The following SPATC1L variants were observed in gnomAD, a reference collection of about 807,000 sequenced individuals.
SPATC1L encodes the protein spermatogenesis and centriole associated 1 like.
In SPATC1L, 20 loss-of-function variants were observed where a neutral mutation model predicts 21.2. The ratio of observed to expected loss-of-function variants is 0.94; its 90% CI spans 0.66 to 1.37. The LOEUF (loss-of-function observed/expected upper bound fraction) is 1.37, where lower values mean the gene tolerates loss of function less well. Ranked by LOEUF, SPATC1L falls within the 40% of genes most tolerant of loss-of-function variation. The pLI is 0.00. For missense variants in SPATC1L, 499 were observed against 478.7 expected (o/e 1.04, Z -0.40); for synonymous variants, 290 against 234.5 (o/e 1.24, Z -2.16).
chr21:46,177,303 A>G (rs2079639652), intron 2 of SPATC1L, among the ~76,000 whole-genome samples: 1 of 152,232 alleles, frequency 6.6e-6, no homozygotes, highest in African/African-American at 2.4e-5. Context: ...AAAATAAACT[A>G]TCAACAGAGT....
Position 46,161,940 on chromosome 21 carries a change from G to A in SPATC1L, c.672C>T (p.Ala224=). ...GVTRLYGFTV[A]NIPEKIEQTS... is the part of the protein sequence containing the mutation. The stretch of plus-strand genomic sequence containing the variant: ...CCTGCTCGATCTTCTCGGGGATGTT[G>A]GCCACCGTGAAGCCGTAGAGCCGCG... The change falls in exon 4 of 5, where the codon GCC becomes GCT. Residue 224 remains alanine (A), a synonymous_variant. Coordinates refer to ENST00000291672, the MANE Select transcript of SPATC1L (RefSeq NM_001142854.2). 6.2e-7 allele frequency: 1 copy of A among 1,607,768 alleles called. No homozygotes were observed.
intron 2 of SPATC1L, among the ~76,000 whole-genome samples, chr21:46,181,890 C>T (rs2079676905): frequency 1.3e-5 from 2 of 152,212 alleles, no homozygotes; most frequent in Admixed American, 6.5e-5. Context: ...TCTGTCAGCC[C>T]CACCCCAAAT....
In SPATC1L at chr21:46,182,787, C is replaced by T; in HGVS notation, c.30G>A (p.Arg10=). The part of the protein sequence containing the change: MAEGGELMS[R]LLSENADLKK... ...TCAGGTCCGCGTTCTCGCTCAGGAG[C>T]CGGCTCATCAGCTCGCCGCCTTCAG... Residue 10 remains arginine (R), a synonymous_variant, in exon 2 of 5, where the codon CGG becomes CGA. Transcript: ENST00000291672. The T allele has an allele frequency of 6.5e-7, 1 of 1,545,024 alleles. No homozygotes were observed.
At chr21:46,169,045 T>A (rs1249703217) in intron 2 of SPATC1L, among the ~76,000 whole-genome samples, 2 of 152,288 alleles carry the variant, frequency 1.3e-5, no homozygotes, top group African/African-American at 4.8e-5. Flanking sequence ...TGCTGCATTA[T>A]CTCTTTGAGA....
At position 46,161,655 on chromosome 21, in the gene SPATC1L, C is replaced by G; in HGVS notation, c.747G>C (p.Glu249Asp). The G allele has an allele frequency of 1.2e-6, 2 of 1,608,974 alleles. No individual in the cohort carries two copies. Among genetic ancestry groups the G allele is most frequent in the South Asian group, 2.2e-5 (2 of 90,664 alleles). ...TCAGGGCCAGGTAGCGCTGCGTCAG[C>G]TCGCGCAGCTTCCTCTCGTCCACGG... ...DGSVDERKLR[E>D]LTQRYLALSA... Residue 249 changes from glutamate (E) to aspartate (D), a missense_variant, in exon 5 of 5, where the codon GAG (glutamate) becomes GAC (aspartate). By Grantham distance (45) the Glu-to-Asp change is conservative (BLOSUM62 2). Transcript: ENST00000291672.
At chr21:46,171,410 C>T (rs2079589096) in intron 2 of SPATC1L, among the ~76,000 whole-genome samples, 2 of 111,104 alleles carry the variant, frequency 1.8e-5, no homozygotes, top group Admixed American at 9.3e-5. Context: ...GCCTGGGCGA[C>T]AGAGCAAGAA....
At chr21:46,172,417 G>C (rs1211379171) in intron 2 of SPATC1L, among the ~76,000 whole-genome samples, 2 of 152,216 alleles carry the variant, frequency 1.3e-5, no homozygotes, top group Non-Finnish European at 2.9e-5. Flanking sequence ...TACAGAGATA[G>C]GCTCACAAAC....
In SPATC1L at chr21:46,183,134, G is replaced by A. The variant is rs1415358017; in HGVS notation, c.-318C>T. 1.1e-5 allele frequency: 4 copies of A among 374,860 alleles called. No individual in the cohort carries two copies. The highest frequency in any genetic ancestry group is 8.4e-5 in the African/African-American group (4 of 47,836). The allele number at this position is 374,860 out of a possible 1,614,324, so 23.2% of individuals were successfully genotyped here. On this transcript the variant is annotated 5_prime_UTR_variant, in exon 2 of 5. Transcript: ENST00000291672. ...GGATGTAGCGACTGTACTCCAAGAG[G>A]GGCGTCCAAGCCACTCCCCATTGAG...
At position 46,183,484 on chromosome 21, in the gene SPATC1L, AGGAGACCAGCCTGCAGG is replaced by A. The variant is rs2079696450; in HGVS notation, c.-685_-669del. 2.4e-5 allele frequency: 2 copies of A among 83,144 alleles called. No individual in the cohort carries two copies. Among genetic ancestry groups the A allele is most frequent in the South Asian group, 2.7e-4 (1 of 3,654 alleles). 5.2% of individuals were successfully genotyped at this position (83,144 alleles called of 1,614,324 possible). Reference sequence around the variant, plus strand: ...GTCTGCGGGGGAGACCAGCCTGGGGAGGAGACCAGCCTGCAGGGGAGACCAGCTTGCGGGGGAGACCA... The same window carrying A: ...GTCTGCGGGGGAGACCAGCCTGGGGAGGAGACCAGCTTGCGGGGGAGACCA... On this transcript the variant is annotated 5_prime_UTR_variant, in exon 2 of 5. Coordinates refer to ENST00000291672, the MANE Select transcript of SPATC1L (RefSeq NM_001142854.2).
intron 3 of SPATC1L, among the ~76,000 whole-genome samples, chr21:46,163,994 A>G (rs956038422): frequency 6.6e-6 from 1 of 151,804 alleles, no homozygotes; most frequent in African/African-American, 2.4e-5. Flanking sequence ...TTTTCTGTTT[A>G]TTTATTTATT....
Position 46,182,693 on chromosome 21 carries a change from C to A in SPATC1L, c.124G>T (p.Gly42Cys). Residue 42 changes from glycine (G) to cysteine (C), a missense_variant, in exon 2 of 5, where the codon GGC becomes TGC. Physicochemically the swap from Gly to Cys is radical, Grantham distance 159 (BLOSUM62 -3). Transcript: ENST00000291672. ...RRLLSQSCQEGGGHDLLPPRA... is the reference protein window; with the variant it reads ...RRLLSQSCQECGGHDLLPPRA... ...GGTGGGAGCAGGTCGTGGCCGCCGC[C>A]CTCCTGGCAGCTCTGGCTGAGCAGC... 1 of 1,544,368 alleles carries A rather than the reference C, an allele frequency of 6.5e-7. No individual in the cohort carries two copies. The highest frequency in any genetic ancestry group is 8.7e-7 in the Non-Finnish European group (1 of 1,146,526).
At chr21:46,172,132 AGTGT>A (rs1569001302) in intron 2 of SPATC1L, among the ~76,000 whole-genome samples, 1 of 125,106 alleles carries the variant, frequency 8.0e-6, no homozygotes. Flanking sequence ...GGATGCACAG[AGTGT>A]GAGGTGGGGG....
At position 46,182,918 on chromosome 21, in the gene SPATC1L, C is replaced by T. The variant is rs1292423593; in HGVS notation, c.-102G>A. The T allele has an allele frequency of 1.6e-6, 2 of 1,236,698 alleles. No homozygotes were observed. The highest frequency in any genetic ancestry group is 2.7e-5 in the East Asian group (1 of 37,244). The allele number at this position is 1,236,698 out of a possible 1,614,324, so 76.6% of individuals were successfully genotyped here. On this transcript the variant is annotated 5_prime_UTR_variant, in exon 2 of 5. Transcript: ENST00000291672. Reference sequence around the variant, plus strand: ...CAGAAACAGCCCAGGCACGGAGTTCCGTAGCCACCACCGCCTTCCACGCCT... The same window carrying T: ...CAGAAACAGCCCAGGCACGGAGTTCTGTAGCCACCACCGCCTTCCACGCCT...
chr21:46,168,198 C>G, intron 3 of SPATC1L, 110 bp downstream of exon 3: 3 of 671,464 alleles, frequency 4.5e-6, no homozygotes, highest in East Asian at 2.8e-5. Flanking sequence ...TCCCTCCACT[C>G]TGTGTGACTG....
chr21:46,162,054 G>T lies in SPATC1L; in HGVS notation c.558C>A (p.Phe186Leu), dbSNP rs1030274449. 46 of 1,578,116 alleles carry T rather than the reference G, an allele frequency of 2.9e-5. No homozygotes were observed. Among genetic ancestry groups the T allele is most frequent in the Non-Finnish European group, 3.9e-5 (46 of 1,164,884 alleles). Residue 186 changes from phenylalanine to leucine, a missense_variant, in exon 4 of 5, where the codon TTC becomes TTA. Coordinates refer to ENST00000291672, the MANE Select transcript of SPATC1L (RefSeq NM_001142854.2). ...RSYYLNEIQS[F>L]AGAEKDARVV... ...CGCGCGCGTCCTTCTCGGCGCCCGCGAAGCTCTGGATCTCTGGGGGAGGGA... is the reference window on the plus strand; with the variant it reads ...CGCGCGCGTCCTTCTCGGCGCCCGCTAAGCTCTGGATCTCTGGGGGAGGGA...
Position 46,161,426 on chromosome 21 carries a change from G to A in SPATC1L, c.976C>T (p.Leu326=), listed in dbSNP as rs1371956439. 1.3e-6 allele frequency: 2 copies of A among 1,569,326 alleles called. No homozygotes were observed. Among genetic ancestry groups the A allele is most frequent in the African/African-American group, 2.7e-5 (2 of 74,294 alleles). Reference sequence around the variant, plus strand: ...CCGTCCTCCTTGGAGAGCTCGCACAGGCAGTTGAGCAGCAGCAGCGAGTCG... The same window carrying A: ...CCGTCCTCCTTGGAGAGCTCGCACAAGCAGTTGAGCAGCAGCAGCGAGTCG... ...LGDSLLLLNC[L]CELSKEDGKP... The change falls in exon 5 of 5, where the codon CTG becomes TTG. Residue 326 remains leucine (L), a synonymous_variant. Coordinates refer to ENST00000291672, the MANE Select transcript of SPATC1L (RefSeq NM_001142854.2).
Position 46,182,826 on chromosome 21 carries a change from G to T in SPATC1L, c.-10C>A. On this transcript the variant is annotated 5_prime_UTR_variant, in exon 2 of 5. Coordinates refer to ENST00000291672, the MANE Select transcript of SPATC1L (RefSeq NM_001142854.2). ...CGCCGCCTTCAGCCATGGCGGGTGC[G>T]TCCCTCCTTGTCCCTCACGGCTCCT... The T allele has an allele frequency of 6.6e-7, 1 of 1,507,910 alleles. No individual in the cohort carries two copies. The allele number at this position is 1,507,910 out of a possible 1,614,324, so 93.4% of individuals were successfully genotyped here.
At chr21:46,162,342 ACG>A (rs1352935400) in intron 3 of SPATC1L, among the ~76,000 whole-genome samples, 1 of 152,040 alleles carries the variant, frequency 6.6e-6, no homozygotes, top group African/African-American at 2.4e-5. Context: ...GTCCCCTGTC[ACG>A]CGGGAGTCTG....
intron 2 of SPATC1L, among the ~76,000 whole-genome samples, chr21:46,174,341 A>C (rs865845195): frequency 1.2e-5 from 1 of 83,044 alleles, no homozygotes; most frequent in African/African-American, 4.4e-5. Flanking sequence ...TCAAAAAACA[A>C]AACAAAAAAA....
Sources: allele counts gnomAD v4.1 joint callset (sites outside exome capture counted in the v4.1 genomes callset), GRCh38; gene constraint gnomAD v4.1.1; transcripts MANE v1.5; gene names NCBI Gene and HGNC (gene_info 2026-07-23, HGNC 2026-07-21).